Variants in GABRG3 observed in about 807,000 individuals in gnomAD.
GABRG3 encodes the protein gamma-aminobutyric acid receptor subunit gamma-3.
In GABRG3, 25 loss-of-function variants were observed where a neutral mutation model predicts 48.8. That is an observed-to-expected ratio of 0.51 (90% CI 0.37 to 0.72). The LOEUF is 0.72. GABRG3 is among the 30% of genes least tolerant of loss of function. The pLI is 0.00. For missense variants in GABRG3, 394 were observed against 577.9 expected (o/e 0.68, Z 3.26); for synonymous variants, 227 against 217.6 (o/e 1.04, Z -0.38).
chr15:27,090,705 G>C (rs532945630), intron 3 of GABRG3, among the ~76,000 whole-genome samples: 24 of 152,236 alleles, frequency 1.6e-4, no homozygotes, highest in African/African-American at 5.5e-4. Context: ...TACAAGACTT[G>C]TACTTCTTTG....
chr15:27,021,298 G>A (rs1229357933), intron 2 of GABRG3, among the ~76,000 whole-genome samples: 4 of 152,138 alleles, frequency 2.6e-5, no homozygotes, highest in East Asian at 1.9e-4. Context: ...CAATTTTTAC[G>A]AACCATAGTT....
chr15:27,144,510 A>G (rs777177097), intron 3 of GABRG3, among the ~76,000 whole-genome samples: 1 of 151,266 alleles, frequency 6.6e-6, no homozygotes. Flanking sequence ...GTTGAAAACT[A>G]TTTGTCACAA....
intron 5 of GABRG3, among the ~76,000 whole-genome samples, chr15:27,391,293 A>G (rs1887122385): frequency 6.6e-6 from 1 of 152,188 alleles, no homozygotes; most frequent in African/African-American, 2.4e-5. Context: ...GCATCTAGAC[A>G]ACTTTAAATC....
chr15:27,029,525 C>T (rs967640769), intron 3 of GABRG3, among the ~76,000 whole-genome samples: 16 of 152,014 alleles, frequency 1.1e-4, no homozygotes, highest in African/African-American at 2.9e-4. Context: ...ATGCATCACA[C>T]GCACACATAC....
chr15:27,368,505 C>T (rs138294888), intron 5 of GABRG3, among the ~76,000 whole-genome samples: 355 of 152,348 alleles, frequency 2.3e-3, no homozygotes, highest in African/African-American at 7.6e-3. Flanking sequence ...AATAAGAACA[C>T]AAGAAGAGTA....
At chr15:27,335,775 T>C (rs1189821645) in intron 5 of GABRG3, among the ~76,000 whole-genome samples, 3 of 152,200 alleles carry the variant, frequency 2.0e-5, no homozygotes, top group Admixed American at 2.0e-4. Flanking sequence ...ATGTACTTAC[T>C]ATGACTGAGT....
At chr15:27,228,649 C>T (rs1454484820) in intron 3 of GABRG3, among the ~76,000 whole-genome samples, 1 of 152,160 alleles carries the variant, frequency 6.6e-6, no homozygotes, top group African/African-American at 2.4e-5. Context: ...CTATTGCTTT[C>T]CAGAATGGTT....
intron 3 of GABRG3, among the ~76,000 whole-genome samples, chr15:27,251,789 G>A (rs1046159012): frequency 5.3e-5 from 8 of 152,254 alleles, no homozygotes; most frequent in East Asian, 1.9e-4. Context: ...CTGAGGGCAC[G>A]CAGGGTTCAG....
intron 3 of GABRG3, among the ~76,000 whole-genome samples, chr15:27,275,482 A>G (rs1354185837): frequency 2.0e-5 from 3 of 152,206 alleles, no homozygotes; most frequent in Admixed American, 6.5e-5. Context: ...GTCAGGACCT[A>G]TGGGAATTGA....
At chr15:27,338,700 A>C (rs1236126527) in intron 5 of GABRG3, among the ~76,000 whole-genome samples, 1 of 152,176 alleles carries the variant, frequency 6.6e-6, no homozygotes, top group South Asian at 2.1e-4. Flanking sequence ...TGAACTGGAC[A>C]GGACAACTAC....
At chr15:27,439,198 A>G (rs922828077) in intron 5 of GABRG3, among the ~76,000 whole-genome samples, 10 of 152,200 alleles carry the variant, frequency 6.6e-5, no homozygotes, top group Non-Finnish European at 1.2e-4. Context: ...GAGATGAATC[A>G]TGGTAATCAC....
intron 3 of GABRG3, among the ~76,000 whole-genome samples, chr15:27,240,865 T>C (rs535618190): frequency 3.2e-4 from 48 of 152,330 alleles, no homozygotes; most frequent in Middle Eastern, 3.4e-3. Context: ...GTCCCCAGGA[T>C]CATGATGTTT....
chr15:27,143,310 A>C (rs1431250899), intron 3 of GABRG3, among the ~76,000 whole-genome samples: 1 of 151,968 alleles, frequency 6.6e-6, no homozygotes, highest in Non-Finnish European at 1.5e-5. Flanking sequence ...GAACTCTTGG[A>C]CTCAAGCAAT....
intron 5 of GABRG3, among the ~76,000 whole-genome samples, chr15:27,369,545 C>T (rs1196081262): frequency 7.2e-5 from 11 of 152,228 alleles, no homozygotes; most frequent in African/African-American, 1.7e-4. Context: ...TGGCCGGGCG[C>T]GGTGGCTCAT....
At chr15:27,450,131 G>A (rs766515818) in intron 5 of GABRG3, among the ~76,000 whole-genome samples, 5 of 152,138 alleles carry the variant, frequency 3.3e-5, no homozygotes, top group Admixed American at 6.5e-5. Context: ...ACACACTTGT[G>A]GGGGTGGAGT....
intron 3 of GABRG3, among the ~76,000 whole-genome samples, chr15:27,308,962 AAC>A (rs956503940): frequency 2.5e-4 from 37 of 150,788 alleles, no homozygotes; most frequent in Admixed American, 1.3e-3. Flanking sequence ...TTTATATGAA[AAC>A]ACATAATGTA....
Position 27,026,832 on chromosome 15 carries a change from C to T in GABRG3, c.270+11C>T. 1 of 1,583,340 alleles carries T rather than the reference C, an allele frequency of 6.3e-7. No individual in the cohort carries two copies. ...TCATCAATAAACATGGTAAGAAGCT[C>T]CTTTATTTTCTGATCTAACGGCTGT... is the stretch of plus-strand genomic sequence containing the variant. On this transcript the variant is annotated intron_variant, in intron 3 of 9. Transcript: ENST00000615808.
chr15:27,306,032 T>C (rs1320925917), intron 3 of GABRG3, among the ~76,000 whole-genome samples: 6 of 89,184 alleles, frequency 6.7e-5, no homozygotes, highest in African/African-American at 2.7e-4. Flanking sequence ...TATATGTTTA[T>C]ATATAAACAT....
chr15:27,309,862 CA>C (rs1187518805), intron 3 of GABRG3, among the ~76,000 whole-genome samples: 1 of 152,016 alleles, frequency 6.6e-6, no homozygotes, highest in African/African-American at 2.4e-5. Context: ...AAAACCTGTA[CA>C]TTAATATTTA....
Sources: gnomAD v4.1 joint callset for allele counts (sites outside exome capture counted in the v4.1 genomes callset) on GRCh38, gnomAD v4.1.1 for gene constraint, MANE v1.5 for transcripts, NCBI Gene and HGNC (gene_info 2026-07-23, HGNC 2026-07-21) for gene names.